Variants in ALG13 observed in about 807,000 individuals in gnomAD.
ALG13 encodes the protein UDP-N-acetylglucosamine transferase subunit ALG13.
ALG13 carries 11 observed loss-of-function variants against 87.8 expected under a neutral mutation model. The ratio of observed to expected loss-of-function variants is 0.13; its 90% CI spans 0.08 to 0.21. ALG13 has a LOEUF of 0.21. Among genes scored for constraint, ALG13 ranks in the 10% least tolerant of loss-of-function variants. The pLI is 1.00. For missense variants in ALG13, 756 were observed against 866.1 expected (o/e 0.87, Z 1.60); for synonymous variants, 320 against 306.3 (o/e 1.04, Z -0.47).
At chrX:111,723,174 C>T (rs1369183432) in intron 13 of ALG13, among the ~76,000 whole-genome samples, 4 of 104,987 alleles carry the variant, frequency 3.8e-5, no homozygotes, top group Non-Finnish European at 7.8e-5. Flanking sequence ...TTTTTTGAGA[C>T]GGAGTCTTGC....
chrX:111,697,063 A>G (rs1209698443), intron 3 of ALG13, among the ~76,000 whole-genome samples: 2 of 103,254 alleles, frequency 1.9e-5, no homozygotes, highest in African/African-American at 3.6e-5. Flanking sequence ...AGCCATCCAT[A>G]TTTAAGCACG....
intron 3 of ALG13, among the ~76,000 whole-genome samples, chrX:111,705,990 G>A (rs766842105): frequency 8.9e-6 from 1 of 111,985 alleles, no homozygotes; most frequent in Non-Finnish European, 1.9e-5. Flanking sequence ...AAAAGCAGAT[G>A]TGAAGCATTT....
At chrX:111,739,912 T>G (rs1045045987) in intron 23 of ALG13, among the ~76,000 whole-genome samples, 2 of 112,267 alleles carry the variant, frequency 1.8e-5, no homozygotes, top group South Asian at 7.4e-4. Context: ...CACAAAAAGT[T>G]GTATTGGACA....
In ALG13 at chrX:111,718,252, T is replaced by G; in HGVS notation, c.1228T>G (p.Tyr410Asp). The G allele has an allele frequency of 8.4e-7, 1 of 1,194,572 alleles. No individual in the cohort carries two copies. The highest frequency in any genetic ancestry group is 1.1e-6 in the Non-Finnish European group (1 of 886,141). ...TGGAAGCGAGGATGCCCATACTGAT[T>G]ACAAGAGTTCAAATCAGAATAGGTA... ...VTGSEDAHTD[Y>D]KSSNQNRMEE... is the part of the protein sequence containing the mutation. The change falls in exon 10 of 27, where the codon TAC becomes GAC. Residue 410 changes from tyrosine (Y) to aspartate (D), a missense_variant. Around this residue, in one of 9 missense-constraint regions of ALG13, gnomAD observed 48 missense variants for 50.5 expected, o/e 0.95. Transcript: ENST00000394780.
intron 15 of ALG13, 77 bp downstream of exon 15, chrX:111,725,138 T>A: frequency 9.2e-7 from 1 of 1,087,034 alleles, no homozygotes; most frequent in East Asian, 3.1e-5. Flanking sequence ...TACTATTTTT[T>A]AAATGTATGT....
rs1397268487 is a variant in ALG13 at position 111,701,644 on chromosome X, G to A, written c.384-6383G>A. On this transcript the variant is annotated intron_variant, in intron 3 of 26. Transcript: ENST00000394780. ...TTTCAAGGAACTAACTCTTAGTTTC[G>A]TTTATTATTTTTCTATCATTTTTCT... Among the ~76,000 whole-genome samples the A allele has an allele frequency of 3.6e-5, 4 of 111,120 alleles. No individual in the cohort carries two copies. The South Asian group carries it at 1.5e-3, about 42-fold the overall frequency.
chrX:111,685,236 A>G, intron 3 of ALG13, 133 bp downstream of exon 3: 1 of 715,392 alleles, frequency 1.4e-6, no homozygotes, highest in South Asian at 2.8e-5. Context: ...TGATTTTCTC[A>G]GCTGTAAAAT....
At chrX:111,702,246 G>C (rs1938011561) in intron 3 of ALG13, among the ~76,000 whole-genome samples, 1 of 111,576 alleles carries the variant, frequency 9.0e-6, no homozygotes, top group African/African-American at 3.3e-5. Context: ...TAGGTTATCT[G>C]TCCATTGTTG....
At chrX:111,729,050 T>C (rs1942388849) in intron 19 of ALG13, among the ~76,000 whole-genome samples, 1 of 111,886 alleles carries the variant, frequency 8.9e-6, no homozygotes, top group Non-Finnish European at 1.9e-5. Flanking sequence ...TAGGACATTT[T>C]TATCACCACA....
At chrX:111,734,983 A>C in intron 21 of ALG13, 68 bp from the exon 22 acceptor site, 1 of 759,625 alleles carries the variant, frequency 1.3e-6, no homozygotes, top group Non-Finnish European at 2.0e-6. Context: ...TATAGTTTTA[A>C]AATATGTTGA....
intron 13 of ALG13, 44 bp from the exon 14 acceptor site, chrX:111,723,754 T>A: frequency 1.2e-6 from 1 of 841,753 alleles, no homozygotes; most frequent in Non-Finnish European, 1.7e-6. Flanking sequence ...TGGCATTAGC[T>A]GTATCTGTCA....
At chrX:111,746,277 T>C (rs1230555692) in intron 24 of ALG13, among the ~76,000 whole-genome samples, 2 of 112,277 alleles carry the variant, frequency 1.8e-5, no homozygotes, top group Non-Finnish European at 3.8e-5. Context: ...CCTATCAAAG[T>C]ATAAAGTATT....
At position 111,708,141 on chromosome X, in the gene ALG13, C is replaced by T. The variant is rs1290668579; in HGVS notation, c.498C>T (p.Ser166=). ...AFSGLDFGLL[S]GYLHKQALVT... is the part of the protein sequence containing the mutation. ...CAGGCCTAGACTTTGGGCTGCTTTC[C>T]GGATACCTGCATAAGCAAGCCCTTG... The change falls in exon 4 of 27, where the codon TCC becomes TCT. Residue 166 remains serine, a synonymous_variant. Transcript: ENST00000394780. 11 of 1,209,965 alleles carry T rather than the reference C, an allele frequency of 9.1e-6. No homozygotes were observed. Among genetic ancestry groups the T allele is most frequent in the African/African-American group, 3.5e-5 (2 of 57,161 alleles).
intron 19 of ALG13, 22 bp downstream of exon 19, chrX:111,728,327 A>G: frequency 4.1e-6 from 5 of 1,206,497 alleles, no homozygotes; most frequent in African/African-American, 1.7e-5. Context: ...ACAGTTAAAT[A>G]TTTTTTAAAA....
chrX:111,704,834 A>C (rs985209906), intron 3 of ALG13, among the ~76,000 whole-genome samples: 1 of 112,165 alleles, frequency 8.9e-6, no homozygotes, highest in African/African-American at 3.2e-5. Flanking sequence ...ATGGTATGTG[A>C]CATATCTGAA....
chrX:111,746,910 T>C (rs778527744), intron 24 of ALG13, among the ~76,000 whole-genome samples: 3 of 111,722 alleles, frequency 2.7e-5, no homozygotes, highest in Non-Finnish European at 3.8e-5. Context: ...ATCTATTTTA[T>C]AGAGCAGTTT....
chrX:111,681,788 G>A lies in ALG13; in HGVS notation c.82-344G>A, dbSNP rs556580518. The A allele has an allele frequency of 2.2e-5, 18 of 833,156 alleles. No individual in the cohort carries two copies. The South Asian group carries it at 8.5e-4, about 39-fold the overall frequency. The allele number at this position is 833,156 out of a possible 1,213,427, so 68.7% of individuals were successfully genotyped here. On this transcript the variant is annotated intron_variant, in intron 1 of 26. Coordinates refer to ENST00000394780, the MANE Select transcript of ALG13 (RefSeq NM_001099922.3). ...CGCGCGGTTCCTCTCCTCAGCGCGC[G>A]TCGTCCCCTCAGGGCTCCCGGTTCT...
intron 26 of ALG13, 122 bp from the exon 27 acceptor site, chrX:111,759,612 G>T: frequency 1.9e-6 from 1 of 534,163 alleles, no homozygotes; most frequent in Non-Finnish European, 2.9e-6. Context: ...TGCTGCAATT[G>T]CTGTGATCTT....
intron 23 of ALG13, chrX:111,743,735 G>T (rs750698968): frequency 1.8e-5 from 2 of 111,559 alleles, no homozygotes; most frequent in East Asian, 2.8e-4. Flanking sequence ...GCTAAACTCA[G>T]TGTGCTAAAA....
Sources: gnomAD v4.1 joint callset for allele counts (sites outside exome capture counted in the v4.1 genomes callset) on GRCh38, gnomAD v4.1.1 for gene constraint, gnomAD v4.1.1 regional missense constraint, MANE v1.5 for transcripts, NCBI Gene and HGNC (gene_info 2026-07-23, HGNC 2026-07-21) for gene names.